Variants in CDKL3 observed in about 807,000 individuals in gnomAD.
The protein encoded by CDKL3 is cyclin dependent kinase like 3.
In CDKL3, 65 loss-of-function variants were observed where a neutral mutation model predicts 69.3. The observed-to-expected ratio is 0.94, with a 90% CI of 0.77 to 1.15. The LOEUF is 1.15. Ranked by LOEUF, CDKL3 falls within the 50% of genes most tolerant of loss-of-function variation. The probability of loss-of-function intolerance (pLI) is 0.00; values close to 1 mark genes in which losing one functional copy is unlikely to be tolerated. For missense variants in CDKL3, 652 were observed against 689.2 expected, an observed-to-expected ratio of 0.95 and a Z score of 0.61; for synonymous variants, 202 against 221.6, an observed-to-expected ratio of 0.91 and a Z score of 0.79.
At chr5:134,355,109 A>G (rs1222954606) in intron 3 of CDKL3, among the ~76,000 whole-genome samples, 1 of 145,160 alleles carries the variant, frequency 6.9e-6, no homozygotes, top group African/African-American at 2.6e-5. Flanking sequence ...TAAAAAAAAA[A>G]GTTAGCCCAG....
chr5:134,317,031 G>A (rs1463961791), intron 6 of CDKL3, among the ~76,000 whole-genome samples: 2 of 151,986 alleles, frequency 1.3e-5, no homozygotes, highest in African/African-American at 4.8e-5. Flanking sequence ...TGGTGCAAAA[G>A]TAATTGTGGT....
At chr5:134,368,351 G>C (rs890052947), upstream of CDKL3, among the ~76,000 whole-genome samples, 5 of 152,218 alleles carry the variant, frequency 3.3e-5, no homozygotes, top group Non-Finnish European at 5.9e-5. Context: ...GGGCGCAGTG[G>C]CTAACGCCTG....
intron 4 of CDKL3, among the ~76,000 whole-genome samples, chr5:134,333,064 T>A (rs2149528588): frequency 6.6e-6 from 1 of 152,358 alleles, no homozygotes; most frequent in Non-Finnish European, 1.5e-5. Flanking sequence ...TAATTGTGAA[T>A]GGGAGTTCAC....
At chr5:134,299,591 A>G in intron 12 of CDKL3, 1 of 1,367,196 alleles carries the variant, frequency 7.3e-7, no homozygotes, top group South Asian at 1.6e-5. Flanking sequence ...ATATACCTGT[A>G]AAATTATCTA....
In CDKL3 at chr5:134,302,678, ATC is replaced by A; in HGVS notation, c.1629_1630del (p.Gln543HisfsTer15). On this transcript the variant is annotated frameshift_variant, in exon 12 of 13. Transcript: ENST00000265334. LOFTEE classifies it high-confidence loss of function. ...CTTTGACTCCCTCTTCAGCATTTTT[ATC>A]TGTTTAACTTTTGCAAAAATATACA... is the stretch of plus-strand genomic sequence containing the variant. 4 of 1,584,698 alleles carry A rather than the reference ATC, an allele frequency of 2.5e-6. No homozygotes were observed. Among genetic ancestry groups the A allele is most frequent in the Admixed American group, 1.7e-5 (1 of 57,294 alleles).
chr5:134,357,590 C>T (rs890874092), intron 3 of CDKL3, among the ~76,000 whole-genome samples: 14 of 152,118 alleles, frequency 9.2e-5, no homozygotes, highest in Non-Finnish European at 1.6e-4. Context: ...CGAGATCCTG[C>T]CATTGTACTC....
chr5:134,371,459 G>C (rs1336822467), upstream of CDKL3: 3 of 1,126,546 alleles, frequency 2.7e-6, no homozygotes, highest in Non-Finnish European at 3.8e-6. Context: ...TCATTGCAGG[G>C]TTGTTTGTCA....
chr5:134,302,530 C>A (rs1278920092), intron 12 of CDKL3, 60 bp downstream of exon 12: 6 of 829,094 alleles, frequency 7.2e-6, no homozygotes, highest in South Asian at 6.5e-5. Flanking sequence ...TAAATTTATA[C>A]ACTGAGTCAA....
At chr5:134,361,566 G>C (rs1756021034) in intron 2 of CDKL3, among the ~76,000 whole-genome samples, 2 of 152,304 alleles carry the variant, frequency 1.3e-5, no homozygotes, top group Admixed American at 6.5e-5. Context: ...TGGTTGGCAA[G>C]ATGCCACAGT....
chr5:134,369,719 C>T (rs1223117542), upstream of CDKL3, among the ~76,000 whole-genome samples: 2 of 152,038 alleles, frequency 1.3e-5, no homozygotes, highest in Non-Finnish European at 2.9e-5. Context: ...TATTGGTGTG[C>T]GCCACCATGC....
intron 7 of CDKL3, among the ~76,000 whole-genome samples, chr5:134,309,005 C>T (rs1307218122): frequency 6.6e-6 from 1 of 152,170 alleles, no homozygotes; most frequent in Admixed American, 6.6e-5. Flanking sequence ...GCAAACTTTA[C>T]TCAGAAAAAT....
At chr5:134,329,684 T>C (rs1775290757) in intron 4 of CDKL3, among the ~76,000 whole-genome samples, 1 of 151,930 alleles carries the variant, frequency 6.6e-6, no homozygotes, top group African/African-American at 2.4e-5. Flanking sequence ...TTAGCCAGGG[T>C]GGTCTCCATC....
At chr5:134,371,556 CTTT>C, upstream of CDKL3, 3 of 1,334,220 alleles carry the variant, frequency 2.2e-6, no homozygotes, top group Non-Finnish European at 3.1e-6. Flanking sequence ...CTGCGCGGGA[CTTT>C]TTTTTTTTCA....
intron 11 of CDKL3, among the ~76,000 whole-genome samples, chr5:134,303,059 G>A (rs942304189): frequency 6.6e-6 from 1 of 151,830 alleles, no homozygotes; most frequent in African/African-American, 2.4e-5. Flanking sequence ...CAAGACAAAA[G>A]TGCGTTTCAT....
intron 7 of CDKL3, among the ~76,000 whole-genome samples, chr5:134,311,690 G>T (rs575460923): frequency 6.6e-6 from 1 of 152,276 alleles, no homozygotes; most frequent in South Asian, 2.1e-4. Flanking sequence ...GTTATCTCTG[G>T]TCTATGATGA....
At chr5:134,312,468 AG>A (rs1769824165) in intron 6 of CDKL3, 88 bp from the exon 7 acceptor site, 1 of 713,004 alleles carries the variant, frequency 1.4e-6, no homozygotes, top group Non-Finnish European at 2.3e-6. Flanking sequence ...TTAAGAAGTA[AG>A]TAATTATCCA....
At chr5:134,341,372 C>T (rs1750446746) in intron 4 of CDKL3, among the ~76,000 whole-genome samples, 1 of 152,068 alleles carries the variant, frequency 6.6e-6, no homozygotes, top group Non-Finnish European at 1.5e-5. Flanking sequence ...GCATCCAGAC[C>T]AGCAAAAAGG....
intron 8 of CDKL3, among the ~76,000 whole-genome samples, chr5:134,289,736 T>C (rs931487143): frequency 6.6e-6 from 1 of 152,184 alleles, no homozygotes; most frequent in African/African-American, 2.4e-5. Flanking sequence ...GAGGAGACTA[T>C]GATAATCTGA....
At chr5:134,371,407 G>A (rs1327502287), upstream of CDKL3, 1 of 745,216 alleles carries the variant, frequency 1.3e-6, no homozygotes, top group Non-Finnish European at 2.2e-6. Flanking sequence ...CACTGTGGTA[G>A]CGGCGGAGGG....
Sources: allele counts gnomAD v4.1 joint callset (sites outside exome capture counted in the v4.1 genomes callset), GRCh38; gene constraint gnomAD v4.1.1; transcripts MANE v1.5; gene names NCBI Gene and HGNC (gene_info 2026-07-23, HGNC 2026-07-21).